The following PPP2R3A variants were observed in gnomAD, a reference collection of about 807,000 sequenced individuals.
PPP2R3A encodes serine/threonine-protein phosphatase 2A regulatory subunit B'' subunit alpha.
Under a neutral mutation model 106.9 loss-of-function variants are expected in PPP2R3A, and 80 were observed. That is an observed-to-expected ratio of 0.75 (90% confidence interval 0.62 to 0.90). The LOEUF is 0.90. PPP2R3A is among the 40% of genes least tolerant of loss of function. The pLI is 0.00. For synonymous variants in PPP2R3A, 483 were observed against 468.3 expected, an observed-to-expected ratio of 1.03 and a Z score of -0.41; for missense variants, 1,386 against 1,350.4, an observed-to-expected ratio of 1.03 and a Z score of -0.41.
At chr3:136,095,079 A>G (rs1285801686) in intron 10 of PPP2R3A, among the ~76,000 whole-genome samples, 1 of 152,166 alleles carries the variant, frequency 6.6e-6, no homozygotes, top group African/African-American at 2.4e-5. Context: ...ATTTTCTTCT[A>G]GATCTGGATA....
chr3:136,058,050 G>A (rs774755113), intron 5 of PPP2R3A, among the ~76,000 whole-genome samples: 27 of 152,122 alleles, frequency 1.8e-4, no homozygotes, highest in Non-Finnish European at 2.4e-4. Context: ...ATCAACCTAA[G>A]TATCAGTGAA....
chr3:136,023,142 T>C (rs370636172), intron 2 of PPP2R3A: 4 of 1,613,520 alleles, frequency 2.5e-6, no homozygotes, highest in East Asian at 2.2e-5. Flanking sequence ...GGCAAGGGGC[T>C]GTGATTTTGT....
intron 8 of PPP2R3A, among the ~76,000 whole-genome samples, chr3:136,084,182 T>C (rs973003863): frequency 1.2e-4 from 18 of 152,110 alleles, no homozygotes; most frequent in African/African-American, 4.1e-4. Flanking sequence ...GAAAAATGGT[T>C]TTCTGGGCCA....
At chr3:136,022,050 ACT>A (rs1266003595) in intron 2 of PPP2R3A, among the ~76,000 whole-genome samples, 1 of 152,090 alleles carries the variant, frequency 6.6e-6, no homozygotes, top group African/African-American at 2.4e-5. Flanking sequence ...TTTATGATTC[ACT>A]TACAAATAAC....
chr3:136,020,338 C>T (rs1934422081), intron 2 of PPP2R3A, among the ~76,000 whole-genome samples: 1 of 151,854 alleles, frequency 6.6e-6, no homozygotes, highest in African/African-American at 2.4e-5. Flanking sequence ...GGGTCAAAGC[C>T]TTTTTTCTGA....
rs752605207 is a variant in PPP2R3A, at chr3:136,102,128, C to G, written c.3049C>G (p.Pro1017Ala). The part of the protein sequence containing the change: ...RMEAMGIEPL[P>A]FHDLLCQMLD... ...GGAAGCCATGGGAATTGAGCCCTTG[C>G]CATTCCATGATTTACTGTGCCAGAT... Residue 1017 changes from proline (P) to alanine (A), a missense_variant, in exon 11 of 14, where the codon CCA becomes GCA. Pro to Ala is a conservative substitution (Grantham distance 27). Coordinates refer to ENST00000264977, the MANE Select transcript of PPP2R3A (RefSeq NM_002718.5). 2.5e-6 allele frequency: 4 copies of G among 1,613,774 alleles called. No individual in the cohort carries two copies. Among genetic ancestry groups the G allele is most frequent in the Non-Finnish European group, 3.4e-6 (4 of 1,179,988 alleles).
intron 1 of PPP2R3A, among the ~76,000 whole-genome samples, chr3:135,970,809 T>C (rs995129269): frequency 6.6e-6 from 1 of 152,194 alleles, no homozygotes; most frequent in South Asian, 2.1e-4. Context: ...TGTAGGTCAA[T>C]GGTGTCTGAT....
chr3:135,988,695 C>G (rs1257766317), intron 1 of PPP2R3A, among the ~76,000 whole-genome samples: 1 of 152,094 alleles, frequency 6.6e-6, no homozygotes, highest in Non-Finnish European at 1.5e-5. Flanking sequence ...CCCTAACCCA[C>G]CCACTGAAGA....
intron 8 of PPP2R3A, among the ~76,000 whole-genome samples, chr3:136,084,255 C>G (rs1936864952): frequency 6.6e-6 from 1 of 152,252 alleles, no homozygotes; most frequent in African/African-American, 2.4e-5. Flanking sequence ...CCAGCTGTTT[C>G]AGCTCCAGCC....
intron 3 of PPP2R3A, among the ~76,000 whole-genome samples, chr3:136,028,549 G>T (rs1934749055): frequency 6.6e-6 from 1 of 152,316 alleles, no homozygotes; most frequent in Non-Finnish European, 1.5e-5. Flanking sequence ...GCACAGTGCT[G>T]TTTCTACATA....
intron 1 of PPP2R3A, among the ~76,000 whole-genome samples, chr3:135,967,097 A>G (rs1195966489): frequency 1.3e-5 from 2 of 152,094 alleles, no homozygotes; most frequent in Non-Finnish European, 1.5e-5. Flanking sequence ...TAATTTACAC[A>G]CACAATTTAT....
intron 1 of PPP2R3A, among the ~76,000 whole-genome samples, chr3:135,993,531 C>T (rs1053264487): frequency 6.6e-6 from 1 of 152,172 alleles, no homozygotes; most frequent in Non-Finnish European, 1.5e-5. Context: ...GCAGTAATTC[C>T]ATTGCTAATT....
chr3:136,032,725 G>A (rs934392449), intron 3 of PPP2R3A, among the ~76,000 whole-genome samples: 3 of 151,884 alleles, frequency 2.0e-5, no homozygotes, highest in African/African-American at 4.8e-5. Context: ...TAGTAGAGAC[G>A]GGGTTTCACC....
chr3:136,059,209 A>G (rs1935988390), intron 5 of PPP2R3A, among the ~76,000 whole-genome samples: 1 of 152,176 alleles, frequency 6.6e-6, no homozygotes, highest in South Asian at 2.1e-4. Flanking sequence ...CAGCCTACAG[A>G]ATGGGAGAAA....
intron 13 of PPP2R3A, among the ~76,000 whole-genome samples, chr3:136,136,923 G>C (rs1453708586): frequency 6.6e-6 from 1 of 152,154 alleles, no homozygotes; most frequent in South Asian, 2.1e-4. Flanking sequence ...CAAAGCTTCC[G>C]TAAGTATGAG....
intron 13 of PPP2R3A, among the ~76,000 whole-genome samples, chr3:136,118,044 C>T (rs1367976287): frequency 6.6e-6 from 1 of 152,194 alleles, no homozygotes; most frequent in Admixed American, 6.5e-5. Context: ...AAGTGGGCCT[C>T]ATCCCTGGGA....
intron 3 of PPP2R3A, among the ~76,000 whole-genome samples, chr3:136,028,886 C>G (rs867885859): frequency 2.0e-5 from 3 of 152,076 alleles, no homozygotes; most frequent in Non-Finnish European, 4.4e-5. Context: ...GAGTTTCACT[C>G]TTGTTGCCCA....
chr3:135,988,401 G>C (rs1933016662), intron 1 of PPP2R3A, among the ~76,000 whole-genome samples: 1 of 151,892 alleles, frequency 6.6e-6, no homozygotes, highest in Non-Finnish European at 1.5e-5. Flanking sequence ...CCTAGTCCAA[G>C]CCAGCATCAT....
intron 7 of PPP2R3A, chr3:136,079,080 C>T: frequency 2.6e-6 from 1 of 384,422 alleles, no homozygotes; most frequent in Non-Finnish European, 5.2e-6. Context: ...AAGAATCATA[C>T]TAAATGGAAT....
Sources: allele counts gnomAD v4.1 joint callset (sites outside exome capture counted in the v4.1 genomes callset), GRCh38; gene constraint gnomAD v4.1.1; transcripts MANE v1.5; gene names NCBI Gene and HGNC (gene_info 2026-07-23, HGNC 2026-07-21).